Variants in WDR70 observed in about 807,000 individuals in gnomAD.
WDR70 encodes the protein WD repeat-containing protein 70.
Under a neutral mutation model 88.6 loss-of-function variants are expected in WDR70, and 53 were observed. The ratio of observed to expected loss-of-function variants is 0.60; its 90% CI spans 0.48 to 0.75. The LOEUF (loss-of-function observed/expected upper bound fraction) is 0.75. Ranked by LOEUF, WDR70 falls within the 30% of genes least tolerant of loss-of-function variation. The pLI is 0.00. For missense variants in WDR70, 610 were observed against 823.2 expected, an observed-to-expected ratio of 0.74 and a Z score of 3.17; for synonymous variants, 280 against 270.0, an observed-to-expected ratio of 1.04 and a Z score of -0.36.
At chr5:37,484,967 A>G (rs1412706748) in intron 8 of WDR70, among the ~76,000 whole-genome samples, 21 of 152,222 alleles carry the variant, frequency 1.4e-4, no homozygotes, top group Admixed American at 1.1e-3. Context: ...GCTAACATTG[A>G]TAGTATAGAT....
At chr5:37,737,962 T>C (rs1748350114) in intron 17 of WDR70, among the ~76,000 whole-genome samples, 1 of 151,780 alleles carries the variant, frequency 6.6e-6, no homozygotes, top group Admixed American at 6.6e-5. Context: ...TATTATATGT[T>C]CATTTCCTGA....
chr5:37,382,443 C>G (rs920643396), intron 3 of WDR70, among the ~76,000 whole-genome samples: 1 of 150,938 alleles, frequency 6.6e-6, no homozygotes, highest in South Asian at 2.1e-4. Context: ...GATGGAGTCT[C>G]GCTTTATTGC....
chr5:37,694,366 A>T (rs762074787), intron 10 of WDR70, among the ~76,000 whole-genome samples: 5 of 152,212 alleles, frequency 3.3e-5, no homozygotes, highest in African/African-American at 9.7e-5. Context: ...CCAAAGGATC[A>T]GATATTATGC....
Position 37,575,734 on chromosome 5 carries a change from A to T in WDR70, c.918-29330A>T, listed in dbSNP as rs950269720. Among the ~76,000 whole-genome samples the T allele has an allele frequency of 2.6e-5, 4 of 152,288 alleles. No homozygotes were observed. In the East Asian group the frequency reaches 5.8e-4, roughly 22 times the overall value. On this transcript the variant is annotated intron_variant, in intron 9 of 17. Transcript: ENST00000265107. The stretch of plus-strand genomic sequence containing the variant: ...TATAATAAACTGGTAAATGTAAGTC[A>T]AGGGTTTCCCTGAGTTCTGTGAGCC...
chr5:37,431,531 G>A (rs1457096875), intron 5 of WDR70, among the ~76,000 whole-genome samples: 1 of 152,084 alleles, frequency 6.6e-6, no homozygotes, highest in Non-Finnish European at 1.5e-5. Context: ...CCACAGCCTT[G>A]ATGATTTTTT....
Position 37,457,411 on chromosome 5 carries a change from G to A in WDR70, c.686+14039G>A, listed in dbSNP as rs182900166. Among the ~76,000 whole-genome samples, 1,312 of 152,234 alleles carry A rather than the reference G, an allele frequency of 8.6e-3. 18 individuals carry two copies. The highest frequency in any genetic ancestry group is 0.03 in the African/African-American group (1,248 of 41,530). On this transcript the variant is annotated intron_variant, in intron 7 of 17. Transcript: ENST00000265107. ...GCACCCAGCCAGTATATCTTATTCT[G>A]ATGTAAACTGTAAACTATGATGGCA... is the stretch of plus-strand genomic sequence containing the variant.
At chr5:37,558,700 G>A (rs951232675) in intron 9 of WDR70, among the ~76,000 whole-genome samples, 1 of 151,804 alleles carries the variant, frequency 6.6e-6, no homozygotes, top group Non-Finnish European at 1.5e-5. Flanking sequence ...TTATTTCTCT[G>A]TTCTGCGTTA....
chr5:37,588,693 C>T (rs760865038), intron 9 of WDR70, among the ~76,000 whole-genome samples: 31 of 152,118 alleles, frequency 2.0e-4, no homozygotes, highest in Non-Finnish European at 3.4e-4. Context: ...CCTCCCACCT[C>T]GGCCTCCCAA....
At chr5:37,510,848 A>G (rs1404643222) in intron 8 of WDR70, among the ~76,000 whole-genome samples, 1 of 152,176 alleles carries the variant, frequency 6.6e-6, no homozygotes, top group African/African-American at 2.4e-5. Context: ...TTGATAAAAT[A>G]TAGAATTTGA....
intron 3 of WDR70, among the ~76,000 whole-genome samples, chr5:37,384,956 A>G (rs1386341359): frequency 1.3e-5 from 2 of 152,302 alleles, no homozygotes; most frequent in East Asian, 3.9e-4. Flanking sequence ...CAGTGCTTCT[A>G]ATCTACTGGC....
intron 8 of WDR70, among the ~76,000 whole-genome samples, chr5:37,487,237 A>G (rs1297805964): frequency 6.6e-6 from 1 of 152,194 alleles, no homozygotes; most frequent in African/African-American, 2.4e-5. Context: ...TGCAAATATA[A>G]TTAATTGACT....
intron 10 of WDR70, among the ~76,000 whole-genome samples, chr5:37,657,570 T>A (rs1745593047): frequency 6.6e-6 from 1 of 152,226 alleles, no homozygotes; most frequent in African/African-American, 2.4e-5. Flanking sequence ...CTCCACTTCA[T>A]TTGTACATGA....
At chr5:37,697,341 A>T (rs1008499947) in intron 10 of WDR70, among the ~76,000 whole-genome samples, 1 of 152,236 alleles carries the variant, frequency 6.6e-6, no homozygotes, top group African/African-American at 2.4e-5. Context: ...CAATAACTTT[A>T]TAAGCATAAT....
chr5:37,745,912 C>T (rs553740542), intron 17 of WDR70, among the ~76,000 whole-genome samples: 2 of 152,206 alleles, frequency 1.3e-5, no homozygotes, highest in East Asian at 3.9e-4. Flanking sequence ...ACTCAGCTCT[C>T]GATCAAATGG....
chr5:37,461,763 G>A (rs1442208532), intron 7 of WDR70, among the ~76,000 whole-genome samples: 1 of 152,130 alleles, frequency 6.6e-6, no homozygotes, highest in Admixed American at 6.5e-5. Context: ...GATTACAGGC[G>A]TGAGCCACTG....
intron 9 of WDR70, among the ~76,000 whole-genome samples, chr5:37,589,787 AG>A (rs1743474068): frequency 1.3e-5 from 2 of 152,044 alleles, no homozygotes. Flanking sequence ...ATTTGTATAG[AG>A]ACAGGGTTTC....
chr5:37,631,779 TC>T (rs1468716365), intron 10 of WDR70, among the ~76,000 whole-genome samples: 2 of 152,162 alleles, frequency 1.3e-5, no homozygotes, highest in Non-Finnish European at 2.9e-5. Context: ...GGGCTCATTT[TC>T]CTCTACGGGT....
intron 7 of WDR70, among the ~76,000 whole-genome samples, chr5:37,448,992 G>A (rs986936103): frequency 5.3e-5 from 8 of 152,110 alleles, no homozygotes; most frequent in Non-Finnish European, 8.8e-5. Context: ...ACATCATATC[G>A]GGGTACTTCT....
chr5:37,606,174 GT>G (rs1024954942), intron 10 of WDR70, among the ~76,000 whole-genome samples: 17 of 152,220 alleles, frequency 1.1e-4, no homozygotes, highest in African/African-American at 4.1e-4. Flanking sequence ...AAACACAATT[GT>G]TTTTTCAGGC....
Sources: allele counts gnomAD v4.1 joint callset (sites outside exome capture counted in the v4.1 genomes callset), GRCh38; gene constraint gnomAD v4.1.1; transcripts MANE v1.5; gene names NCBI Gene and HGNC (gene_info 2026-07-23, HGNC 2026-07-21).